CDC123: variants seen among roughly 807,000 people sequenced by gnomAD.
CDC123 encodes the protein translation initiation factor eIF2 assembly protein.
Under a neutral mutation model 54.4 loss-of-function variants are expected in CDC123, and 37 were observed. That is an observed-to-expected ratio of 0.68 (90% CI 0.52 to 0.89). The LOEUF is 0.89. Among genes scored for constraint, CDC123 ranks in the 40% least tolerant of loss-of-function variants. The pLI is 0.00. For synonymous variants in CDC123, 144 were observed against 136.8 expected (o/e 1.05, Z -0.37); for missense variants, 361 against 412.1 (o/e 0.88, Z 1.07).
At chr10:12,245,923 A>T in intron 10 of CDC123, 1 of 388,400 alleles carries the variant, frequency 2.6e-6, no homozygotes, top group South Asian at 4.6e-5. Context: ...TACAAAAATT[A>T]GCTGCATGTG....
intron 2 of CDC123, among the ~76,000 whole-genome samples, chr10:12,207,951 G>A (rs1835543663): frequency 1.3e-5 from 2 of 152,198 alleles, no homozygotes; most frequent in South Asian, 4.1e-4. Context: ...ATGGACTTCA[G>A]AGCTTCCTTT....
intron 5 of CDC123, 40 bp downstream of exon 5, chr10:12,215,875 C>A: frequency 7.6e-7 from 1 of 1,314,178 alleles, no homozygotes; most frequent in Non-Finnish European, 1.1e-6. Flanking sequence ...TTTGAATATT[C>A]TTTGTTTTGC....
intron 6 of CDC123, among the ~76,000 whole-genome samples, chr10:12,221,016 A>G (rs1017674760): frequency 6.6e-6 from 1 of 151,288 alleles, no homozygotes; most frequent in Non-Finnish European, 1.5e-5. Flanking sequence ...TTTCCAAAAT[A>G]CTTCCCATTA....
rs561999003 is a variant in CDC123 at position 12,212,534 on chromosome 10, C to G, written c.237+2212C>G. Among the ~76,000 whole-genome samples, 13 of 152,344 alleles carry G rather than the reference C, an allele frequency of 8.5e-5. No individual in the cohort carries two copies. In the South Asian group the frequency reaches 2.7e-3, roughly 32 times the overall value. On this transcript the variant is annotated intron_variant, in intron 4 of 12. Transcript: ENST00000281141. Reference sequence around the variant, plus strand: ...AAAACTTTTTAAAAAGACTGACTATCACTGTGTTGCCCAGGCTGCACTCAA... The same window carrying G: ...AAAACTTTTTAAAAAGACTGACTATGACTGTGTTGCCCAGGCTGCACTCAA...
intron 11 of CDC123, among the ~76,000 whole-genome samples, chr10:12,249,282 A>T (rs564883132): frequency 2.6e-5 from 4 of 152,250 alleles, no homozygotes; most frequent in South Asian, 4.2e-4. Flanking sequence ...ACTAAAATTT[A>T]AAAAACTCAG....
chr10:12,217,277 G>T, intron 5 of CDC123, 84 bp from the exon 6 acceptor site: 2 of 1,301,284 alleles, frequency 1.5e-6, no homozygotes, highest in South Asian at 2.9e-5. Flanking sequence ...GAAGTGATAT[G>T]CATTATTGAT....
intron 11 of CDC123, 41 bp downstream of exon 11, chr10:12,246,318 G>T (rs757760315): frequency 6.2e-7 from 1 of 1,606,494 alleles, no homozygotes; most frequent in Non-Finnish European, 8.5e-7. Flanking sequence ...AACCTTTCCA[G>T]TCTACTGACT....
intron 10 of CDC123, among the ~76,000 whole-genome samples, chr10:12,239,120 T>C (rs959904227): frequency 4.0e-5 from 6 of 151,036 alleles, no homozygotes; most frequent in African/African-American, 1.2e-4. Context: ...GCGCCACTGC[T>C]CTCCAGCCAG....
At chr10:12,235,263 G>A in intron 8 of CDC123, 140 bp downstream of exon 8, 2 of 674,938 alleles carry the variant, frequency 3.0e-6, no homozygotes, top group Admixed American at 4.9e-5. Context: ...CTAACCAGTT[G>A]ATACTGACTC....
intron 2 of CDC123, among the ~76,000 whole-genome samples, chr10:12,202,939 T>G (rs1305080806): frequency 6.6e-6 from 1 of 152,202 alleles, no homozygotes; most frequent in Non-Finnish European, 1.5e-5. Context: ...CACTTAAACC[T>G]GGGAAGTGGA....
chr10:12,245,342 A>T (rs1410482825), intron 10 of CDC123: 1 of 151,522 alleles, frequency 6.6e-6, no homozygotes, highest in East Asian at 1.9e-4. Context: ...AGTAGCCTTG[A>T]CCTCCTGGGC....
intron 2 of CDC123, among the ~76,000 whole-genome samples, chr10:12,204,092 C>CAAA (rs748765566): frequency 0.021 from 2,786 of 130,926 alleles, 96 homozygotes; most frequent in African/African-American, 0.068. Flanking sequence ...GACCTTGTCT[C>CAAA]AAAAAAAAAA....
At position 12,225,445 on chromosome 10, in the gene CDC123, T is replaced by C. The variant is rs578143300; in HGVS notation, c.441-5503T>C. ...AAAGAAAATATGTGTCTAGTCCCCA[T>C]CTTGGACACTTTGGATTGGAATCTC... On this transcript the variant is annotated intron_variant, in intron 6 of 12. Coordinates refer to ENST00000281141, the MANE Select transcript of CDC123 (RefSeq NM_006023.3). Among the ~76,000 whole-genome samples the C allele has an allele frequency of 1.1e-3, 163 of 152,236 alleles. 2 individuals are homozygous for C. The highest frequency in any genetic ancestry group is 3.8e-3 in the African/African-American group (157 of 41,530).
At chr10:12,237,441 A>T (rs1835993280) in intron 9 of CDC123, 175 bp downstream of exon 9, 1 of 459,410 alleles carries the variant, frequency 2.2e-6, no homozygotes, top group African/African-American at 2.1e-5. Flanking sequence ...TTTTATTATT[A>T]TTATTTTTAT....
At chr10:12,225,805 A>G (rs1163570144) in intron 6 of CDC123, among the ~76,000 whole-genome samples, 1 of 106,412 alleles carries the variant, frequency 9.4e-6, no homozygotes, top group Non-Finnish European at 1.7e-5. Context: ...GGTGTTTCTC[A>G]GAGAGGGGGA....
chr10:12,249,706 C>A lies in CDC123; in HGVS notation c.972C>A (p.Asp324Glu). ...GGGAGGACGCTCACAAGCTAATAGA[C>A]TTCCTTAAGCTGGTAAAGTCTATGT... The part of the protein sequence containing the change: ...STGEDAHKLI[D>E]FLKLKRNQQE... Residue 324 changes from aspartate to glutamate, a missense_variant, in exon 12 of 13, where the codon GAC becomes GAA. Physicochemically the swap from Asp to Glu is conservative, Grantham distance 45. Transcript: ENST00000281141. 1 of 1,608,664 alleles carries A rather than the reference C, an allele frequency of 6.2e-7. No individual in the cohort carries two copies. The highest frequency in any genetic ancestry group is 8.5e-7 in the Non-Finnish European group (1 of 1,178,658).
intron 8 of CDC123, among the ~76,000 whole-genome samples, chr10:12,236,411 C>T (rs1835976800): frequency 6.6e-6 from 1 of 152,018 alleles, no homozygotes. Context: ...CCAGCCTGCG[C>T]AATGTACTGA....
intron 1 of CDC123, 99 bp downstream of exon 1, chr10:12,196,418 A>C: frequency 6.8e-7 from 1 of 1,466,240 alleles, no homozygotes; most frequent in Non-Finnish European, 9.5e-7. Flanking sequence ...CCTTCTAGCG[A>C]CTGCATGGGA....
At chr10:12,209,273 C>T (rs191963271) in intron 2 of CDC123, among the ~76,000 whole-genome samples, 7 of 152,250 alleles carry the variant, frequency 4.6e-5, no homozygotes, top group Admixed American at 4.6e-4. Context: ...GTCTCACTCT[C>T]TTGCCCAGGC....
Sources: allele counts gnomAD v4.1 joint callset (sites outside exome capture counted in the v4.1 genomes callset), GRCh38; gene constraint gnomAD v4.1.1; transcripts MANE v1.5; gene names NCBI Gene and HGNC (gene_info 2026-07-23, HGNC 2026-07-21).